Variants in NXPH1 observed in about 807,000 individuals in gnomAD.
NXPH1 encodes neurexophilin 1.
NXPH1 carries 5 observed loss-of-function variants against 23.7 expected under a neutral mutation model. The observed-to-expected ratio is 0.21, with a 90% CI of 0.11 to 0.44. The LOEUF is 0.44. NXPH1 is among the 20% of genes least tolerant of loss of function. The pLI, the probability that NXPH1 is intolerant of heterozygous loss-of-function variation, is 0.99. For missense variants in NXPH1, 324 were observed against 321.6 expected (o/e 1.01, Z -0.06); for synonymous variants, 144 against 122.2 (o/e 1.18, Z -1.18).
rs529108033 is a variant in NXPH1, at chr7:8,442,503, G to A, written c.54+6736G>A. ...GCCACACCGGAAGGAGAGGGCATCC[G>A]GCTCACACATCCCACCCTATGTCTT... On this transcript the variant is annotated intron_variant, in intron 2 of 2. Coordinates refer to ENST00000405863, the MANE Select transcript of NXPH1 (RefSeq NM_152745.3). This position sits in a 1 kb window ranked among gnomAD's most constrained non-coding sequence, Gnocchi z 4.6. Among the ~76,000 whole-genome samples the A allele has an allele frequency of 2.6e-5, 4 of 152,296 alleles. No individual in the cohort carries two copies. The highest frequency in any genetic ancestry group is 4.4e-5 in the Non-Finnish European group (3 of 68,016).
At chr7:8,614,295 G>A (rs1296014475) in intron 2 of NXPH1, among the ~76,000 whole-genome samples, 1 of 151,722 alleles carries the variant, frequency 6.6e-6, no homozygotes. Flanking sequence ...GTATTATTGG[G>A]TAAAAAATGC....
intron 2 of NXPH1, among the ~76,000 whole-genome samples, chr7:8,464,744 A>G (rs929407713): frequency 7.1e-6 from 1 of 141,052 alleles, no homozygotes; most frequent in Non-Finnish European, 1.6e-5. Flanking sequence ...CAAATGTGTA[A>G]TGCGTGTAGT....
At position 8,751,922 on chromosome 7, in the gene NXPH1, CTG is replaced by C. The variant is rs1780571400; in HGVS notation, c.*154_*155del. On this transcript the variant is annotated 3_prime_UTR_variant, in exon 3 of 3. Coordinates refer to ENST00000405863, the MANE Select transcript of NXPH1 (RefSeq NM_152745.3). This position sits in a 1 kb window ranked among gnomAD's most constrained non-coding sequence, Gnocchi z 4.5. ...GCAAAATACACTAGTGGAAAACACT[CTG>C]ATGTAATTTCTGCCCAGTCAGCTTC... The C allele has an allele frequency of 4.4e-6, 3 of 680,338 alleles. No homozygotes were observed. Among genetic ancestry groups the C allele is most frequent in the African/African-American group, 1.8e-5 (1 of 55,438 alleles). 42.1% of individuals were successfully genotyped at this position (680,338 alleles called of 1,614,324 possible).
chr7:8,440,528 A>C (rs1816279859), intron 2 of NXPH1, among the ~76,000 whole-genome samples: 1 of 152,152 alleles, frequency 6.6e-6, no homozygotes, highest in Admixed American at 6.5e-5. Context: ...TGGGTGAAAA[A>C]TATATCAGGT....
At chr7:8,596,139 T>A (rs1486674337) in intron 2 of NXPH1, among the ~76,000 whole-genome samples, 1 of 152,084 alleles carries the variant, frequency 6.6e-6, no homozygotes, top group African/African-American at 2.4e-5. Flanking sequence ...ATAAAATTAG[T>A]TAAGGTTGAG....
intron 2 of NXPH1, among the ~76,000 whole-genome samples, chr7:8,713,951 C>T (rs762421049): frequency 2.0e-5 from 3 of 152,106 alleles, no homozygotes; most frequent in South Asian, 2.1e-4. Flanking sequence ...CTCAAGGCCC[C>T]GGCAACCACT....
chr7:8,673,446 A>C lies in NXPH1; in HGVS notation c.55-77562A>C, dbSNP rs535830275. 2.0e-5 allele frequency among the ~76,000 whole-genome samples: 3 copies of C among 152,286 alleles called. No homozygotes were observed. In the South Asian group the frequency reaches 6.2e-4, roughly 32 times the overall value. On this transcript the variant is annotated intron_variant, in intron 2 of 2. Transcript: ENST00000405863. ...TTCAGATATATACTCAAAAATGGAA[A>C]TGTATTTCAAATCTGTATGTTTGTT...
chr7:8,468,902 C>T (rs1005237451), intron 2 of NXPH1, among the ~76,000 whole-genome samples: 8 of 151,892 alleles, frequency 5.3e-5, no homozygotes, highest in Admixed American at 2.6e-4. Context: ...TCTTCTATTT[C>T]TGGAAAAGTA....
rs952458949 is a variant in NXPH1 at position 8,437,924 on chromosome 7, G to C, written c.54+2157G>C. Among the ~76,000 whole-genome samples the C allele has an allele frequency of 7.9e-5, 12 of 152,360 alleles. No individual in the cohort carries two copies. In the East Asian group the frequency reaches 1.2e-3, roughly 15 times the overall value. On this transcript the variant is annotated intron_variant, in intron 2 of 2. Transcript: ENST00000405863. ...ACAATAAAATAGAGAAGGCTATTTAGAAGTCCGTTCTTTTTTCTCCAATCT... is the reference window on the plus strand; with the variant it reads ...ACAATAAAATAGAGAAGGCTATTTACAAGTCCGTTCTTTTTTCTCCAATCT...
intron 2 of NXPH1, among the ~76,000 whole-genome samples, chr7:8,630,397 G>C (rs1308999439): frequency 2.0e-5 from 3 of 152,114 alleles, no homozygotes; most frequent in South Asian, 4.1e-4. Context: ...ATTGTTTCAG[G>C]TGCAATGCTT....
Position 8,522,771 on chromosome 7 carries a change from A to G in NXPH1, c.54+87004A>G, listed in dbSNP as rs1249536118. On this transcript the variant is annotated intron_variant, in intron 2 of 2. Coordinates refer to ENST00000405863, the MANE Select transcript of NXPH1 (RefSeq NM_152745.3). ...AAAGCTGGATTCATTCCTGCTTCCC[A>G]CCTCTAGGTCCAGCCCTAGGTGCAC... Among the ~76,000 whole-genome samples, 5 of 152,238 alleles carry G rather than the reference A, an allele frequency of 3.3e-5. No individual in the cohort carries two copies. In the East Asian group the frequency reaches 9.7e-4, roughly 29 times the overall value.
intron 2 of NXPH1, among the ~76,000 whole-genome samples, chr7:8,631,637 A>T (rs901131729): frequency 2.6e-5 from 4 of 152,100 alleles, no homozygotes; most frequent in African/African-American, 9.7e-5. Flanking sequence ...GATTTGTTTT[A>T]TTCTTAGTAT....
At position 8,666,064 on chromosome 7, in the gene NXPH1, G is replaced by T. The variant is rs1205061904; in HGVS notation, c.55-84944G>T. The stretch of plus-strand genomic sequence containing the variant: ...TCTTTCTTTTGTCTATTTTTTTCTG[G>T]CTAGGACTTCTAGTACTACACTGAA... On this transcript the variant is annotated intron_variant, in intron 2 of 2. Coordinates refer to ENST00000405863, the MANE Select transcript of NXPH1 (RefSeq NM_152745.3). 3.3e-5 allele frequency among the ~76,000 whole-genome samples: 5 copies of T among 150,988 alleles called. No individual in the cohort carries two copies. In the East Asian group the frequency reaches 9.7e-4, roughly 29 times the overall value.
chr7:8,653,066 C>G lies in NXPH1; in HGVS notation c.55-97942C>G, dbSNP rs537067010. 1.8e-3 allele frequency among the ~76,000 whole-genome samples: 277 copies of G among 151,908 alleles called. 1 individual carries two copies. Among genetic ancestry groups the G allele is most frequent in the Non-Finnish European group, 2.3e-3 (158 of 67,948 alleles). On this transcript the variant is annotated intron_variant, in intron 2 of 2. Transcript: ENST00000405863. ...CATTTTGTCTCTTTTTAAGTTTTCA[C>G]AAATCTATGAAGAACTTTTTCACTT...
chr7:8,720,534 A>C (rs1779954197), intron 2 of NXPH1, among the ~76,000 whole-genome samples: 1 of 152,256 alleles, frequency 6.6e-6, no homozygotes, highest in South Asian at 2.1e-4. Context: ...CTGAAAGATA[A>C]GTTTAGTAAA....
intron 2 of NXPH1, among the ~76,000 whole-genome samples, chr7:8,487,065 GTACTT>G (rs1172733574): frequency 1.3e-5 from 2 of 152,048 alleles, no homozygotes; most frequent in African/African-American, 4.8e-5. Context: ...AGCCTTTAGA[GTACTT>G]AACATAATAG....
chr7:8,553,016 G>T (rs2128619857), intron 2 of NXPH1, among the ~76,000 whole-genome samples: 1 of 151,584 alleles, frequency 6.6e-6, no homozygotes, highest in East Asian at 2.0e-4. Flanking sequence ...AATCTAAGAA[G>T]GAAGAAAGAG....
intron 2 of NXPH1, among the ~76,000 whole-genome samples, chr7:8,707,705 G>T (rs1339419326): frequency 1.3e-5 from 2 of 151,998 alleles, no homozygotes; most frequent in East Asian, 1.9e-4. Flanking sequence ...AATATTCAAA[G>T]GCCTAACTCT....
At chr7:8,497,737 A>G (rs539821572) in intron 2 of NXPH1, among the ~76,000 whole-genome samples, 3 of 152,070 alleles carry the variant, frequency 2.0e-5, no homozygotes, top group South Asian at 2.1e-4. Flanking sequence ...AAATTTGTTT[A>G]AGTTCTTTGT....
Sources: gnomAD v4.1 joint callset for allele counts (sites outside exome capture counted in the v4.1 genomes callset) on GRCh38, gnomAD v4.1.1 for gene constraint, Gnocchi (gnomAD v3.1) non-coding constraint, MANE v1.5 for transcripts, NCBI Gene and HGNC (gene_info 2026-07-23, HGNC 2026-07-21) for gene names.